GASK1A: variants seen among roughly 807,000 people sequenced by gnomAD.
The protein encoded by GASK1A is Golgi-associated kinase 1A.
Under a neutral mutation model 41.2 loss-of-function variants are expected in GASK1A, and 40 were observed. The ratio of observed to expected loss-of-function variants is 0.97; its 90% CI spans 0.75 to 1.27. GASK1A has a LOEUF of 1.27. Among genes scored for constraint, GASK1A ranks in the 50% most tolerant of loss-of-function variants. The probability of loss-of-function intolerance (pLI) is 0.00; values close to 1 mark genes in which losing one functional copy is unlikely to be tolerated. For missense variants in GASK1A, 678 were observed against 745.1 expected, an observed-to-expected ratio of 0.91 and a Z score of 1.05; for synonymous variants, 316 against 307.1, an observed-to-expected ratio of 1.03 and a Z score of -0.30.
chr3:43,051,195 G>A (rs897082045), intron 2 of GASK1A, among the ~76,000 whole-genome samples: 3 of 152,090 alleles, frequency 2.0e-5, no homozygotes, highest in African/African-American at 7.2e-5. Context: ...GTTTTTGTTT[G>A]TAGTGGTTTT....
At chr3:43,029,751 G>A (rs1324244370) in intron 1 of GASK1A, among the ~76,000 whole-genome samples, 1 of 152,190 alleles carries the variant, frequency 6.6e-6, no homozygotes, top group African/African-American at 2.4e-5. Context: ...GGAGGTAGGA[G>A]GGAGCCATGG....
intron 1 of GASK1A, among the ~76,000 whole-genome samples, chr3:43,013,855 ACAGGCAGGGGCTTTGT>A (rs61680765): frequency 0.17 from 25,288 of 151,988 alleles, 2,250 homozygotes; most frequent in Non-Finnish European, 0.2. Context: ...GTGTGAGTTC[ACAGGCAGGGGCTTTGT>A]GAAACCACAG....
chr3:42,986,963 C>T lies in GASK1A; in HGVS notation c.3+7318C>T, dbSNP rs552486870. On this transcript the variant is annotated intron_variant, in intron 1 of 4. Transcript: ENST00000430121. ...GGCATCCGGATGTATGGGTCTCTGT[C>T]GGCCTTCCTCCTTTCTCTTCATTTT... Among the ~76,000 whole-genome samples, 11 of 152,288 alleles carry T rather than the reference C, an allele frequency of 7.2e-5. 1 individual carries two copies. The highest frequency in any genetic ancestry group is 1.9e-4 in the African/African-American group (8 of 41,550).
At position 43,056,518 on chromosome 3, in the gene GASK1A, C is replaced by A; in HGVS notation, c.*132C>A. The A allele has an allele frequency of 2.5e-6, 2 of 784,436 alleles. No homozygotes were observed. The highest frequency in any genetic ancestry group is 2.3e-5 in the South Asian group (1 of 43,684). 48.6% of individuals were successfully genotyped at this position (784,436 alleles called of 1,614,324 possible). A position where few individuals can be genotyped will look rare whatever the true frequency, so the allele number is the denominator to read the frequency against. On this transcript the variant is annotated 3_prime_UTR_variant, in exon 5 of 5. Coordinates refer to ENST00000430121, the MANE Select transcript of GASK1A (RefSeq NM_001129908.3). ...AGGATGTCACGGGATATTTCACCTG[C>A]CTGGGATGGTGGAGGTAGTATGGGG...
At chr3:43,041,961 C>T (rs545958760) in intron 2 of GASK1A, among the ~76,000 whole-genome samples, 75 of 152,244 alleles carry the variant, frequency 4.9e-4, no homozygotes, top group African/African-American at 1.7e-3. Context: ...TGTGGGGAAG[C>T]ATCTCTGTGC....
intron 1 of GASK1A, among the ~76,000 whole-genome samples, chr3:43,008,227 G>A (rs1450712064): frequency 6.6e-6 from 1 of 152,220 alleles, no homozygotes; most frequent in African/African-American, 2.4e-5. Context: ...GAGGTTGCAG[G>A]AAGTAGAGGA....
intron 1 of GASK1A, among the ~76,000 whole-genome samples, chr3:43,028,291 G>A (rs1055564636): frequency 4.6e-5 from 7 of 152,232 alleles, no homozygotes; most frequent in Admixed American, 6.5e-5. Flanking sequence ...AAGGGAGGAC[G>A]GTATAATGAG....
intron 1 of GASK1A, among the ~76,000 whole-genome samples, chr3:43,028,176 G>C (rs974183116): frequency 2.0e-5 from 3 of 152,230 alleles, no homozygotes; most frequent in African/African-American, 7.2e-5. Context: ...TAGCTGGCTT[G>C]AGGAAATAGA....
intron 2 of GASK1A, chr3:43,037,248 A>T: frequency 2.9e-6 from 3 of 1,038,976 alleles, no homozygotes; most frequent in African/African-American, 1.6e-5. Flanking sequence ...CCTGGCTGAA[A>T]ATGGAGCGAT....
intron 1 of GASK1A, among the ~76,000 whole-genome samples, chr3:42,997,172 C>T (rs1250555880): frequency 6.6e-6 from 1 of 152,240 alleles, no homozygotes; most frequent in Admixed American, 6.5e-5. Flanking sequence ...CCTGCCCACC[C>T]TCTACCCTCT....
intron 1 of GASK1A, among the ~76,000 whole-genome samples, chr3:43,003,666 A>G (rs1037176790): frequency 6.6e-5 from 10 of 152,156 alleles, no homozygotes; most frequent in Admixed American, 5.9e-4. Context: ...ATACTAGACA[A>G]TCCACCAGGT....
intron 2 of GASK1A, among the ~76,000 whole-genome samples, chr3:43,043,608 G>A (rs1167549260): frequency 6.6e-6 from 1 of 152,188 alleles, no homozygotes; most frequent in African/African-American, 2.4e-5. Flanking sequence ...AACAATAACA[G>A]TATCTATCTC....
intron 1 of GASK1A, among the ~76,000 whole-genome samples, chr3:43,011,001 A>G (rs1351726065): frequency 6.6e-6 from 1 of 152,158 alleles, no homozygotes; most frequent in Non-Finnish European, 1.5e-5. Context: ...CCACCCACCA[A>G]CAAATCCATT....
chr3:43,031,782 G>C (rs970236428), intron 1 of GASK1A, among the ~76,000 whole-genome samples: 1 of 152,228 alleles, frequency 6.6e-6, no homozygotes, highest in African/African-American at 2.4e-5. Context: ...ACACCCTGTT[G>C]CTAAGGAGGC....
At chr3:42,996,405 T>G (rs2089369653) in intron 1 of GASK1A, among the ~76,000 whole-genome samples, 1 of 152,228 alleles carries the variant, frequency 6.6e-6, no homozygotes, top group African/African-American at 2.4e-5. Flanking sequence ...CCCATCAGAA[T>G]GTTACCACCA....
intron 1 of GASK1A, among the ~76,000 whole-genome samples, chr3:42,999,689 AC>A (rs1395092538): frequency 6.6e-6 from 1 of 152,228 alleles, no homozygotes; most frequent in Non-Finnish European, 1.5e-5. Context: ...TAACAAATTG[AC>A]GCACATCGAG....
At chr3:43,037,278 C>G (rs2089609231) in intron 2 of GASK1A, 5 of 912,184 alleles carry the variant, frequency 5.5e-6, no homozygotes, top group Non-Finnish European at 9.2e-6. Flanking sequence ...GAAGCCAACT[C>G]CCCAGATGAA....
At chr3:42,987,339 C>T (rs931476482) in intron 1 of GASK1A, among the ~76,000 whole-genome samples, 6 of 152,054 alleles carry the variant, frequency 3.9e-5, no homozygotes, top group African/African-American at 1.2e-4. Flanking sequence ...CTGTAATGAG[C>T]TAGAAAGTTA....
intron 1 of GASK1A, among the ~76,000 whole-genome samples, chr3:43,005,045 A>G (rs924165152): frequency 2.3e-5 from 3 of 131,204 alleles, no homozygotes; most frequent in Non-Finnish European, 5.4e-5. Flanking sequence ...CCAGTGCAGC[A>G]TCTTCTCTCT....
Sources: allele counts gnomAD v4.1 joint callset (sites outside exome capture counted in the v4.1 genomes callset), GRCh38; gene constraint gnomAD v4.1.1; transcripts MANE v1.5; gene names NCBI Gene and HGNC (gene_info 2026-07-23, HGNC 2026-07-21).